USH2A: variants seen among roughly 807,000 people sequenced by gnomAD.
USH2A encodes the protein usherin.
In USH2A, 443 loss-of-function variants were observed where a neutral mutation model predicts 538.9. The ratio of observed to expected loss-of-function variants is 0.82; its 90% CI spans 0.76 to 0.89. The LOEUF (loss-of-function observed/expected upper bound fraction) is 0.89, where lower values mean the gene tolerates loss of function less well. Ranked by LOEUF, USH2A falls within the 40% of genes least tolerant of loss-of-function variation. The pLI is 0.00. For missense variants in USH2A, 6,633 were observed against 6,324.8 expected, an observed-to-expected ratio of 1.05 and a Z score of -1.65; for synonymous variants, 2,413 against 2,273.5, an observed-to-expected ratio of 1.06 and a Z score of -1.75.
intron 32 of USH2A, among the ~76,000 whole-genome samples, chr1:216,033,771 G>A (rs1669181526): frequency 6.6e-6 from 1 of 152,128 alleles, no homozygotes; most frequent in Admixed American, 6.5e-5. Flanking sequence ...AAGAGGTCGA[G>A]GCTGCAGTGA....
chr1:216,104,791 C>G (rs983175442), intron 21 of USH2A, among the ~76,000 whole-genome samples: 1 of 152,116 alleles, frequency 6.6e-6, no homozygotes, highest in African/African-American at 2.4e-5. Context: ...ACACAAAAAG[C>G]AATGGCAACA....
intron 38 of USH2A, among the ~76,000 whole-genome samples, chr1:215,903,612 G>C (rs1043190944): frequency 1.3e-5 from 2 of 152,108 alleles, no homozygotes; most frequent in African/African-American, 4.8e-5. Context: ...CTGCCAAACA[G>C]AGCAGGGATA....
At chr1:216,081,908 A>ATT (rs560434576) in intron 26 of USH2A, among the ~76,000 whole-genome samples, 22 of 147,232 alleles carry the variant, frequency 1.5e-4, no homozygotes, top group African/African-American at 3.0e-4. Flanking sequence ...TAATTTTTTA[A>ATT]TTTTTTTTTT....
intron 32 of USH2A, among the ~76,000 whole-genome samples, chr1:216,038,813 T>C (rs770494867): frequency 6.6e-6 from 1 of 152,034 alleles, no homozygotes; most frequent in African/African-American, 2.4e-5. Flanking sequence ...ACACCTCTAT[T>C]TGTAACACTT....
At chr1:216,376,076 A>G (rs2038813484) in intron 3 of USH2A, among the ~76,000 whole-genome samples, 1 of 152,176 alleles carries the variant, frequency 6.6e-6, no homozygotes, top group Non-Finnish European at 1.5e-5. Context: ...AGCTATAATG[A>G]TTGGAAAAAA....
At chr1:216,342,615 A>C (rs1404709749) in intron 4 of USH2A, among the ~76,000 whole-genome samples, 3 of 152,162 alleles carry the variant, frequency 2.0e-5, no homozygotes, top group African/African-American at 7.2e-5. Context: ...AGACTGGATA[A>C]AGAGAATGTG....
chr1:215,730,390 T>C (rs1659957479), intron 60 of USH2A, among the ~76,000 whole-genome samples: 1 of 152,214 alleles, frequency 6.6e-6, no homozygotes. Context: ...CCATCAGCTC[T>C]TATTTCCTAT....
chr1:216,200,864 G>T (rs2034972213), intron 16 of USH2A, among the ~76,000 whole-genome samples: 1 of 152,166 alleles, frequency 6.6e-6, no homozygotes, highest in African/African-American at 2.4e-5. Flanking sequence ...CCGCCATGGG[G>T]CTGTTTGCAT....
intron 37 of USH2A, among the ~76,000 whole-genome samples, chr1:215,951,185 G>A (rs1666904097): frequency 6.6e-6 from 1 of 152,088 alleles, no homozygotes; most frequent in Admixed American, 6.5e-5. Flanking sequence ...TCTCTTGTGG[G>A]CATTTAGTGC....
chr1:215,739,978 G>C (rs1164603523), intron 60 of USH2A, among the ~76,000 whole-genome samples: 1 of 152,166 alleles, frequency 6.6e-6, no homozygotes, highest in Non-Finnish European at 1.5e-5. Context: ...AGGGTGTTCT[G>C]CTTTGTACGC....
chr1:215,638,495 T>C (rs1656569444), intron 69 of USH2A, among the ~76,000 whole-genome samples: 1 of 151,852 alleles, frequency 6.6e-6, no homozygotes, highest in African/African-American at 2.4e-5. Context: ...TGACATACAC[T>C]TGTAGTCCCA....
chr1:216,056,797 T>TGTGC (rs2030990861), intron 30 of USH2A, among the ~76,000 whole-genome samples: 1 of 150,782 alleles, frequency 6.6e-6, no homozygotes, highest in Non-Finnish European at 1.5e-5. Flanking sequence ...TGTGTGTGTG[T>TGTGC]GTGTGTGAGA....
intron 3 of USH2A, among the ~76,000 whole-genome samples, chr1:216,373,479 A>G (rs1378836570): frequency 2.6e-5 from 4 of 152,162 alleles, no homozygotes; most frequent in African/African-American, 9.7e-5. Flanking sequence ...TTACTTTAAA[A>G]AATAACTATC....
In USH2A at chr1:215,888,521, T is replaced by C. The variant is rs779982114; in HGVS notation, c.8128A>G (p.Asn2710Asp). The change falls in exon 41 of 72, where the codon AAC becomes GAC. Residue 2710 changes from asparagine (N) to aspartate (D), a missense_variant. Transcript: ENST00000307340. ...GTAACTTCTACCCAAGCACTGCTGTTTGTGCCTCCATGAAGAGTGCTCATC... is the reference window on the plus strand; with the variant it reads ...GTAACTTCTACCCAAGCACTGCTGTCTGTGCCTCCATGAAGAGTGCTCATC... ...VLMSTLHGGT[N>D]SSAWVEVTTR... is the part of the protein sequence containing the mutation. The C allele has an allele frequency of 1.2e-6, 2 of 1,614,178 alleles. No homozygotes were observed. Among genetic ancestry groups the C allele is most frequent in the Non-Finnish European group, 1.7e-6 (2 of 1,180,018 alleles).
At chr1:215,960,070 C>T (rs531101536) in intron 37 of USH2A, among the ~76,000 whole-genome samples, 19 of 152,036 alleles carry the variant, frequency 1.2e-4, no homozygotes, top group Non-Finnish European at 2.5e-4. Context: ...AAAGAAGCTG[C>T]CATTTGTAAA....
intron 64 of USH2A, among the ~76,000 whole-genome samples, chr1:215,651,188 C>T (rs1310861422): frequency 6.6e-6 from 1 of 152,062 alleles, no homozygotes; most frequent in Non-Finnish European, 1.5e-5. Context: ...AAACATTGTC[C>T]CCACCAAATC....
chr1:216,368,424 T>C (rs1169548543), intron 3 of USH2A, among the ~76,000 whole-genome samples: 1 of 152,154 alleles, frequency 6.6e-6, no homozygotes, highest in Admixed American at 6.5e-5. Context: ...CTGCTGGCCA[T>C]CAGAACTAAA....
At chr1:216,252,548 C>T (rs1227869118) in intron 11 of USH2A, among the ~76,000 whole-genome samples, 2 of 152,204 alleles carry the variant, frequency 1.3e-5, no homozygotes, top group African/African-American at 2.4e-5. Context: ...CAATTGTCCT[C>T]ATCCAAGAAA....
intron 60 of USH2A, among the ~76,000 whole-genome samples, chr1:215,731,173 G>A (rs569511782): frequency 6.6e-5 from 10 of 152,128 alleles, no homozygotes; most frequent in African/African-American, 2.4e-4. Context: ...CTAAAAGTGG[G>A]GTTTTAAATA....
Sources: gnomAD v4.1 joint callset for allele counts (sites outside exome capture counted in the v4.1 genomes callset) on GRCh38, gnomAD v4.1.1 for gene constraint, MANE v1.5 for transcripts, NCBI Gene and HGNC (gene_info 2026-07-23, HGNC 2026-07-21) for gene names.